The following WDR41 variants were observed in gnomAD, a reference collection of about 807,000 sequenced individuals.
WDR41 encodes WD repeat domain 41.
A neutral mutation model predicts 69.3 loss-of-function variants in WDR41; 63 were observed. The ratio of observed to expected loss-of-function variants is 0.91; its 90% CI spans 0.74 to 1.12. The LOEUF is 1.12. Ranked by LOEUF, WDR41 falls within the 50% of genes most tolerant of loss-of-function variation. WDR41 has a pLI of 0.00. For synonymous variants in WDR41, 185 were observed against 192.1 expected (o/e 0.96, Z 0.31); for missense variants, 543 against 534.5 (o/e 1.02, Z -0.16).
chr5:77,542,778 CAACTCG>C (rs1421961659), intron 1 of WDR41, among the ~76,000 whole-genome samples: 1 of 152,160 alleles, frequency 6.6e-6, no homozygotes, highest in African/African-American at 2.4e-5. Flanking sequence ...ATTTCAGCTC[CAACTCG>C]GATGGACAGA....
intron 1 of WDR41, among the ~76,000 whole-genome samples, chr5:77,512,338 G>GAGAGAGAGAGAGAGAA (rs1802216629): frequency 8.0e-6 from 1 of 125,418 alleles, no homozygotes; most frequent in Non-Finnish European, 1.6e-5. Flanking sequence ...GAGTGAGAGA[G>GAGAGAGAGAGAGAGAA]AGAGAGAGAG....
chr5:77,611,136 G>C (rs1744540974), intron 1 of WDR41, among the ~76,000 whole-genome samples: 1 of 151,786 alleles, frequency 6.6e-6, no homozygotes, highest in African/African-American at 2.4e-5. Context: ...CCCAATACAG[G>C]AGCACCCAGA....
intron 1 of WDR41, among the ~76,000 whole-genome samples, chr5:77,503,777 C>G (rs1196699375): frequency 1.3e-5 from 2 of 152,132 alleles, no homozygotes; most frequent in African/African-American, 4.8e-5. Flanking sequence ...TGAATGACTA[C>G]TGGGGAAATA....
At chr5:77,512,234 G>C (rs951019461) in intron 1 of WDR41, among the ~76,000 whole-genome samples, 49 of 152,188 alleles carry the variant, frequency 3.2e-4, no homozygotes, top group African/African-American at 1.2e-3. Flanking sequence ...AATTGGCATA[G>C]GGAGCAGCCT....
intron 8 of WDR41, among the ~76,000 whole-genome samples, chr5:77,442,448 A>C (rs1331848840): frequency 1.3e-5 from 2 of 152,210 alleles, no homozygotes; most frequent in Admixed American, 6.5e-5. Flanking sequence ...ACACACATAC[A>C]TAGGCCCAGA....
At chr5:77,436,232 T>C in intron 12 of WDR41, 29 bp downstream of exon 12, 2 of 1,598,312 alleles carry the variant, frequency 1.3e-6, no homozygotes, top group Non-Finnish European at 1.7e-6. Context: ...CAGGAGTTGC[T>C]TGGACATTCT....
intron 1 of WDR41, among the ~76,000 whole-genome samples, chr5:77,591,473 C>T (rs571917081): frequency 6.6e-6 from 1 of 152,214 alleles, no homozygotes; most frequent in East Asian, 1.9e-4. Context: ...TTACTAATTT[C>T]ATGAGATAGA....
intron 1 of WDR41, among the ~76,000 whole-genome samples, chr5:77,577,140 G>GA (rs951213569): frequency 3.3e-5 from 5 of 151,880 alleles, no homozygotes; most frequent in Admixed American, 6.6e-5. Flanking sequence ...TATTCTCAGG[G>GA]AAAAAAATTG....
chr5:77,549,545 C>T (rs10070501), intron 1 of WDR41, among the ~76,000 whole-genome samples: 3,570 of 152,060 alleles, frequency 0.023, 48 homozygotes, highest in Non-Finnish European at 0.035. Flanking sequence ...AAAAACAAAC[C>T]TAGGTACACA....
intron 2 of WDR41, among the ~76,000 whole-genome samples, chr5:77,465,502 A>T (rs1373158724): frequency 6.6e-6 from 1 of 152,110 alleles, no homozygotes; most frequent in Non-Finnish European, 1.5e-5. Context: ...CATAAACACT[A>T]TCAAAAGGAA....
intron 10 of WDR41, 80 bp downstream of exon 10, chr5:77,438,160 G>C: frequency 6.3e-7 from 1 of 1,586,628 alleles, no homozygotes; most frequent in Non-Finnish European, 8.6e-7. Flanking sequence ...CAGGTAACTT[G>C]GCCACTTGAG....
chr5:77,547,592 T>C (rs1743222498), intron 1 of WDR41, among the ~76,000 whole-genome samples: 1 of 150,246 alleles, frequency 6.7e-6, no homozygotes, highest in Admixed American at 6.6e-5. Context: ...GAAAGATCTC[T>C]ACAAGGAAAA....
intron 1 of WDR41, among the ~76,000 whole-genome samples, chr5:77,569,972 C>T (rs942467656): frequency 1.3e-5 from 2 of 152,144 alleles, no homozygotes; most frequent in Non-Finnish European, 2.9e-5. Context: ...TCCAGCAGAT[C>T]CTGGGAACTT....
intron 2 of WDR41, among the ~76,000 whole-genome samples, chr5:77,477,879 T>A (rs1419393621): frequency 7.0e-6 from 1 of 142,706 alleles, no homozygotes; most frequent in African/African-American, 2.7e-5. Context: ...AATTAATGAA[T>A]CCAGGAGCTG....
At chr5:77,442,293 A>G (rs915051814) in intron 8 of WDR41, among the ~76,000 whole-genome samples, 5 of 152,240 alleles carry the variant, frequency 3.3e-5, no homozygotes, top group African/African-American at 1.2e-4. Flanking sequence ...CGAATTGAGA[A>G]TTGAATAAGA....
At chr5:77,511,680 A>C (rs6453313) in intron 1 of WDR41, among the ~76,000 whole-genome samples, 23,152 of 152,078 alleles carry the variant, frequency 0.15, 2,607 homozygotes, top group African/African-American at 0.29. Context: ...CTGCAGTTCT[A>C]TTAGTAAAGG....
chr5:77,573,694 G>T (rs536686385), intron 1 of WDR41, among the ~76,000 whole-genome samples: 30 of 152,156 alleles, frequency 2.0e-4, no homozygotes, highest in Non-Finnish European at 3.2e-4. Flanking sequence ...AAGGGGGAGA[G>T]ATGAGGAGGG....
chr5:77,459,264 C>A lies in WDR41; in HGVS notation c.349-140G>T, dbSNP rs1274701983. ...CATAAAATATTTAGTGTTTATACCA[C>A]CACAAAAATGAATTCATATAGTGAG... On this transcript the variant is annotated intron_variant, in intron 4 of 12. Transcript: ENST00000296679. The A allele has an allele frequency of 6.9e-6, 4 of 579,168 alleles. No homozygotes were observed. The South Asian group carries it at 1.1e-4, about 16-fold the overall frequency. The allele number at this position is 579,168 out of a possible 1,614,324, so 35.9% of individuals were successfully genotyped here. A position where few individuals can be genotyped will look rare whatever the true frequency, so the allele number is the denominator to read the frequency against.
intron 1 of WDR41, among the ~76,000 whole-genome samples, chr5:77,600,929 ATGTGTGTGTGTGTGTG>A (rs71608111): frequency 2.1e-5 from 3 of 144,198 alleles, no homozygotes; most frequent in Non-Finnish European, 4.6e-5. Context: ...CTCTGTGTGT[ATGTGTGTGTGTGTGTG>A]TGTGTGTGTG....
Sources: allele counts gnomAD v4.1 joint callset (sites outside exome capture counted in the v4.1 genomes callset), GRCh38; gene constraint gnomAD v4.1.1; transcripts MANE v1.5; gene names NCBI Gene and HGNC (gene_info 2026-07-23, HGNC 2026-07-21).